ELAPOR1: variants seen among roughly 807,000 people sequenced by gnomAD.
The protein encoded by ELAPOR1 is endosome/lysosome-associated apoptosis and autophagy regulator 1.
A neutral mutation model predicts 119.7 loss-of-function variants in ELAPOR1; 77 were observed. The ratio of observed to expected loss-of-function variants is 0.64; its 90% CI spans 0.54 to 0.78. The LOEUF is 0.78. Ranked by LOEUF, ELAPOR1 falls within the 30% of genes least tolerant of loss-of-function variation. The pLI is 0.00. For synonymous variants in ELAPOR1, 481 were observed against 487.2 expected, an observed-to-expected ratio of 0.99 and a Z score of 0.17; for missense variants, 1,115 against 1,270.4, an observed-to-expected ratio of 0.88 and a Z score of 1.86.
At chr1:109,127,023 G>A (rs1304840929) in intron 1 of ELAPOR1, among the ~76,000 whole-genome samples, 1 of 151,994 alleles carries the variant, frequency 6.6e-6, no homozygotes, top group Non-Finnish European at 1.5e-5. Context: ...TCCTCAGTCT[G>A]TATTGTCCCT....
At chr1:109,161,409 C>CAAAAAAAA (rs59573644) in intron 1 of ELAPOR1, among the ~76,000 whole-genome samples, 58 of 56,114 alleles carry the variant, frequency 1.0e-3, no homozygotes, top group East Asian at 1.6e-3. Context: ...GACTCCGTCT[C>CAAAAAAAA]AAAAAAAAAA....
chr1:109,194,934 C>T (rs1252364406), intron 15 of ELAPOR1, among the ~76,000 whole-genome samples: 3 of 150,826 alleles, frequency 2.0e-5, no homozygotes, highest in Admixed American at 6.6e-5. Flanking sequence ...ATGGAGAAAC[C>T]CCGTCTCTAC....
At chr1:109,145,855 CA>C (rs569149698) in intron 1 of ELAPOR1, among the ~76,000 whole-genome samples, 3 of 151,712 alleles carry the variant, frequency 2.0e-5, no homozygotes, top group Non-Finnish European at 4.4e-5. Flanking sequence ...ACTTTTTGTA[CA>C]GACAAAAGAC....
intron 20 of ELAPOR1, 126 bp downstream of exon 20, chr1:109,200,363 G>A: frequency 8.8e-7 from 1 of 1,141,580 alleles, no homozygotes; most frequent in Non-Finnish European, 1.2e-6. Context: ...GACTTATCCA[G>A]TGCATGGTTT....
rs554595686 is a variant in ELAPOR1, at chr1:109,156,837, G to A, written c.154-5057G>A. On this transcript the variant is annotated intron_variant, in intron 1 of 21. Transcript: ENST00000369939. ...CAGCAAAGAGCATCTGATTGGCCTC[G>A]TGTGGGTCATGTGTCCATCCATGGC... Among the ~76,000 whole-genome samples the A allele has an allele frequency of 2.7e-4, 41 of 152,154 alleles. No individual in the cohort carries two copies. The East Asian group carries it at 5.8e-3, about 22-fold the overall frequency.
chr1:109,157,371 T>C (rs774485908), intron 1 of ELAPOR1, among the ~76,000 whole-genome samples: 4 of 152,146 alleles, frequency 2.6e-5, no homozygotes, highest in Non-Finnish European at 5.9e-5. Flanking sequence ...GTTTTGGAGA[T>C]TGGAAAACCT....
At position 109,204,710 on chromosome 1, in the gene ELAPOR1, C is replaced by A. The variant is rs1208524828; in HGVS notation, c.*1698C>A. 6.6e-6 allele frequency: 1 copy of A among 152,288 alleles called. No homozygotes were observed. The highest frequency in any genetic ancestry group is 2.4e-5 in the African/African-American group (1 of 41,466). The allele number at this position is 152,288 out of a possible 1,614,324, so 9.4% of individuals were successfully genotyped here. The stretch of plus-strand genomic sequence containing the variant: ...GCTGGCCAAAAAAGGAACTGAATCC[C>A]AGGCCCATACGCCAGCACCAGAATC... On this transcript the variant is annotated 3_prime_UTR_variant, in exon 22 of 22. Transcript: ENST00000369939.
intron 12 of ELAPOR1, 77 bp downstream of exon 12, chr1:109,191,548 G>A (rs1394972051): frequency 7.2e-6 from 10 of 1,395,586 alleles, no homozygotes; most frequent in African/African-American, 1.4e-5. Context: ...GTGTGTCCAC[G>A]TGACTGACAC....
chr1:109,175,454 G>A (rs1198336715), intron 7 of ELAPOR1, among the ~76,000 whole-genome samples: 2 of 149,102 alleles, frequency 1.3e-5, no homozygotes, highest in East Asian at 2.0e-4. Context: ...TGCCCACCTC[G>A]GCCTCCCAAA....
chr1:109,118,436 G>A (rs1648165450), intron 1 of ELAPOR1, among the ~76,000 whole-genome samples: 1 of 152,196 alleles, frequency 6.6e-6, no homozygotes, highest in Non-Finnish European at 1.5e-5. Context: ...AAGCAGAATG[G>A]ATTAGCATGA....
At chr1:109,200,356 T>A in intron 20 of ELAPOR1, 119 bp downstream of exon 20, 1 of 1,185,188 alleles carries the variant, frequency 8.4e-7, no homozygotes, top group Non-Finnish European at 1.2e-6. Context: ...ACTCTGTGAC[T>A]TATCCAGTGC....
chr1:109,130,222 G>C (rs1243379570), intron 1 of ELAPOR1, among the ~76,000 whole-genome samples: 1 of 152,184 alleles, frequency 6.6e-6, no homozygotes, highest in African/African-American at 2.4e-5. Context: ...CTGAGCTCCA[G>C]GGTGGGCAGG....
intron 7 of ELAPOR1, 100 bp downstream of exon 7, chr1:109,173,937 G>A (rs1019134616): frequency 2.4e-5 from 31 of 1,304,030 alleles, no homozygotes; most frequent in Non-Finnish European, 3.1e-5. Context: ...GCCAAGCTGA[G>A]GATGGTAATT....
intron 17 of ELAPOR1, 97 bp from the exon 18 acceptor site, chr1:109,198,476 C>G (rs544026407): frequency 2.7e-6 from 3 of 1,115,348 alleles, no homozygotes; most frequent in Non-Finnish European, 3.9e-6. Flanking sequence ...CCTGACTTCC[C>G]CAGCAAGGGA....
chr1:109,200,975 TCCTGTACCGTTCAGGGATGGGCA>T, intron 21 of ELAPOR1, 75 bp downstream of exon 21: 1 of 1,439,318 alleles, frequency 6.9e-7, no homozygotes, highest in Non-Finnish European at 9.4e-7. Flanking sequence ...CACTGAATGG[TCCTGTACCGTTCAGGGATGGGCA>T]CCCTGCTCCC....
intron 1 of ELAPOR1, among the ~76,000 whole-genome samples, chr1:109,115,758 G>A (rs765462118): frequency 6.6e-6 from 1 of 152,198 alleles, no homozygotes; most frequent in Non-Finnish European, 1.5e-5. Flanking sequence ...TCATGAATAT[G>A]ACATAAGTGA....
intron 7 of ELAPOR1, among the ~76,000 whole-genome samples, chr1:109,177,300 CG>C (rs1652387431): frequency 7.0e-6 from 1 of 142,978 alleles, no homozygotes; most frequent in Admixed American, 6.8e-5. Flanking sequence ...ACTTCCCAGA[CG>C]GGGTGGCTGC....
At chr1:109,114,909 T>C (rs1003977637) in intron 1 of ELAPOR1, among the ~76,000 whole-genome samples, 10 of 152,164 alleles carry the variant, frequency 6.6e-5, no homozygotes, top group African/African-American at 2.4e-4. Flanking sequence ...GTCTCCTCCT[T>C]ATAGCTTGGC....
intron 1 of ELAPOR1, among the ~76,000 whole-genome samples, chr1:109,146,172 T>C (rs2101009410): frequency 6.6e-6 from 1 of 151,870 alleles, no homozygotes; most frequent in South Asian, 2.1e-4. Context: ...ACAAAAAAAT[T>C]AGCCGGGCAT....
Sources: allele counts gnomAD v4.1 joint callset (sites outside exome capture counted in the v4.1 genomes callset), GRCh38; gene constraint gnomAD v4.1.1; transcripts MANE v1.5; gene names NCBI Gene and HGNC (gene_info 2026-07-23, HGNC 2026-07-21).